GPHN: variants seen among roughly 807,000 people sequenced by gnomAD.
GPHN encodes gephyrin.
A neutral mutation model predicts 95.5 loss-of-function variants in GPHN; 17 were observed. The observed-to-expected ratio is 0.18, with a 90% CI of 0.12 to 0.27. The LOEUF is 0.27. Among genes scored for constraint, GPHN ranks in the 10% least tolerant of loss-of-function variants. The probability of loss-of-function intolerance (pLI) is 1.00; values close to 1 mark genes in which losing one functional copy is unlikely to be tolerated. For synonymous variants in GPHN, 320 were observed against 322.5 expected (o/e 0.99, Z 0.08); for missense variants, 660 against 978.1 (o/e 0.67, Z 4.34).
At chr14:66,817,205 TAATA>T (rs1566976143) in intron 3 of GPHN, among the ~76,000 whole-genome samples, 2 of 152,070 alleles carry the variant, frequency 1.3e-5, no homozygotes, top group African/African-American at 4.8e-5. Context: ...GTTTTTAAAA[TAATA>T]TATATGTGTG....
intron 10 of GPHN, among the ~76,000 whole-genome samples, chr14:67,027,061 G>T (rs1546940): frequency 0.32 from 48,464 of 152,110 alleles, 12,124 homozygotes; most frequent in African/African-American, 0.68. Flanking sequence ...GAAATTGATA[G>T]CTGGTATATC....
At chr14:66,569,291 A>G (rs1323041788) in intron 1 of GPHN, among the ~76,000 whole-genome samples, 1 of 152,196 alleles carries the variant, frequency 6.6e-6, no homozygotes, top group East Asian at 1.9e-4. Flanking sequence ...TATAGTTAAT[A>G]TTATTTTTTG....
intron 8 of GPHN, among the ~76,000 whole-genome samples, chr14:66,941,108 C>A (rs571269731): frequency 6.6e-6 from 1 of 151,628 alleles, no homozygotes; most frequent in South Asian, 2.1e-4. Context: ...CCCTTTTGTT[C>A]TTTCTGAGCT....
chr14:67,602,279 G>T, the GPHN span, among the ~76,000 whole-genome samples: 1 of 152,114 alleles, frequency 6.6e-6, no homozygotes, highest in Non-Finnish European at 1.5e-5. Flanking sequence ...GTCAGATCTC[G>T]TGAGAGAACT....
the GPHN span, among the ~76,000 whole-genome samples, chr14:67,427,516 C>T: frequency 4.6e-5 from 7 of 152,190 alleles, no homozygotes; most frequent in Non-Finnish European, 8.8e-5. Context: ...CACCCTGCCG[C>T]GAACACACTC....
At chr14:67,611,363 T>C in the GPHN span, among the ~76,000 whole-genome samples, 1 of 151,948 alleles carries the variant, frequency 6.6e-6, no homozygotes, top group Non-Finnish European at 1.5e-5. Flanking sequence ...CAGGTTCAAG[T>C]GATTCTCCAG....
intron 2 of GPHN, among the ~76,000 whole-genome samples, chr14:66,745,632 T>C (rs2058114081): frequency 6.6e-6 from 1 of 151,978 alleles, no homozygotes; most frequent in African/African-American, 2.4e-5. Context: ...CTGTGGAAAG[T>C]GTTGCCAATT....
chr14:66,682,040 G>A (rs1483113284), intron 2 of GPHN, among the ~76,000 whole-genome samples: 1 of 152,104 alleles, frequency 6.6e-6, no homozygotes, highest in Non-Finnish European at 1.5e-5. Context: ...ATTTTGTGAG[G>A]AATAAACACA....
the GPHN span, among the ~76,000 whole-genome samples, chr14:67,277,210 G>A: frequency 1.3e-5 from 2 of 152,144 alleles, no homozygotes; most frequent in Non-Finnish European, 2.9e-5. Flanking sequence ...TAATGAAAAC[G>A]AAGGCAGTCT....
chr14:67,042,153 A>G (rs534372915), intron 10 of GPHN, among the ~76,000 whole-genome samples: 6 of 151,572 alleles, frequency 4.0e-5, no homozygotes, highest in African/African-American at 1.5e-4. Context: ...ATTTTCTCCC[A>G]TTCTGTAGGT....
At chr14:66,731,269 G>C (rs1425924865) in intron 2 of GPHN, among the ~76,000 whole-genome samples, 1 of 152,230 alleles carries the variant, frequency 6.6e-6, no homozygotes, top group African/African-American at 2.4e-5. Context: ...CAAAAAGGTG[G>C]TTGTGACTTT....
At chr14:66,947,050 A>G (rs540492230) in intron 8 of GPHN, among the ~76,000 whole-genome samples, 1 of 152,296 alleles carries the variant, frequency 6.6e-6, no homozygotes, top group South Asian at 2.1e-4. Context: ...TTCTTATCAC[A>G]TTCATTGTTA....
At chr14:66,908,438 C>T (rs112782527) in intron 5 of GPHN, among the ~76,000 whole-genome samples, 79 of 152,174 alleles carry the variant, frequency 5.2e-4, no homozygotes, top group African/African-American at 1.6e-3. Context: ...ATCCATGACT[C>T]CATGCTTATA....
the GPHN span, among the ~76,000 whole-genome samples, chr14:67,708,515 C>A: frequency 1.3e-5 from 2 of 152,028 alleles, no homozygotes; most frequent in African/African-American, 4.8e-5. Flanking sequence ...GGTTTTAGGG[C>A]AGCCATAAAG....
the GPHN span, among the ~76,000 whole-genome samples, chr14:67,213,321 C>T: frequency 1.0e-3 from 119 of 115,076 alleles, no homozygotes; most frequent in African/African-American, 3.7e-3. Context: ...CCCCTCCCCC[C>T]ACCCCACAAC....
chr14:67,318,494 G>A, the GPHN span, among the ~76,000 whole-genome samples: 1 of 152,118 alleles, frequency 6.6e-6, no homozygotes, highest in African/African-American at 2.4e-5. Flanking sequence ...TGTAGAAAAC[G>A]TGGCAAATCT....
intron 1 of GPHN, among the ~76,000 whole-genome samples, chr14:66,603,134 C>T (rs1345441018): frequency 2.0e-5 from 3 of 151,760 alleles, no homozygotes; most frequent in Non-Finnish European, 4.4e-5. Context: ...TCTATGAAAT[C>T]CTCCTGGTAC....
intron 2 of GPHN, among the ~76,000 whole-genome samples, chr14:66,743,667 G>A (rs1395486987): frequency 2.6e-5 from 4 of 152,142 alleles, no homozygotes; most frequent in Admixed American, 1.3e-4. Flanking sequence ...GCGTGGAAAC[G>A]GGAGGCGGTG....
At chr14:67,646,739 G>GT in the GPHN span, 1 of 1,606,672 alleles carries the variant, frequency 6.2e-7, no homozygotes, top group Non-Finnish European at 8.5e-7. Flanking sequence ...CTCCTGAACA[G>GT]TAAGTTGATG....
Sources: gnomAD v4.1 joint callset for allele counts (sites outside exome capture counted in the v4.1 genomes callset) on GRCh38, gnomAD v4.1.1 for gene constraint, MANE v1.5 for transcripts, NCBI Gene and HGNC (gene_info 2026-07-23, HGNC 2026-07-21) for gene names.